The following NELL1 variants were observed in gnomAD, a reference collection of about 807,000 sequenced individuals.
NELL1 encodes the protein protein kinase C-binding protein NELL1.
A neutral mutation model predicts 107.4 loss-of-function variants in NELL1; 76 were observed. The observed-to-expected ratio is 0.71, with a 90% confidence interval of 0.59 to 0.86. The LOEUF is 0.86. Among genes scored for constraint, NELL1 ranks in the 40% least tolerant of loss-of-function variants. NELL1 has a pLI of 0.00. For synonymous variants in NELL1, 353 were observed against 341.2 expected (o/e 1.03, Z -0.38); for missense variants, 1,024 against 1,005.5 (o/e 1.02, Z -0.25).
rs1353380550 is a variant in NELL1 at position 21,344,753 on chromosome 11, A to C, written c.1550-26100A>C. Among the ~76,000 whole-genome samples, 6 of 152,224 alleles carry C rather than the reference A, an allele frequency of 3.9e-5. No homozygotes were observed. In the East Asian group the frequency reaches 1.2e-3, roughly 29 times the overall value. On this transcript the variant is annotated intron_variant, in intron 14 of 19. Coordinates refer to ENST00000357134, the MANE Select transcript of NELL1 (RefSeq NM_006157.5). The stretch of plus-strand genomic sequence containing the variant: ...AACGCATCGGTTTTTCTATCTTTAC[A>C]ATGGGGATTATACCTGCCTGCCTTA...
intron 12 of NELL1, among the ~76,000 whole-genome samples, chr11:21,030,890 T>TA (rs34539965): frequency 6.6e-6 from 1 of 152,086 alleles, no homozygotes; most frequent in Non-Finnish European, 1.5e-5. Flanking sequence ...TTCTTAATTT[T>TA]AAAAAAGGTT....
intron 3 of NELL1, among the ~76,000 whole-genome samples, chr11:20,805,780 G>A (rs1416599883): frequency 6.6e-6 from 1 of 152,216 alleles, no homozygotes; most frequent in Non-Finnish European, 1.5e-5. Context: ...GGGATTACAG[G>A]CGTGAGCCAC....
At chr11:21,028,150 A>G (rs1416834169) in intron 12 of NELL1, among the ~76,000 whole-genome samples, 4 of 152,168 alleles carry the variant, frequency 2.6e-5, no homozygotes, top group African/African-American at 9.7e-5. Flanking sequence ...ATATTTCTGA[A>G]GGGATGTAAG....
In NELL1 at chr11:21,227,541, A is replaced by G. The variant is rs186548721; in HGVS notation, c.1427-1791A>G. 9.5e-4 allele frequency among the ~76,000 whole-genome samples: 145 copies of G among 152,342 alleles called. 1 individual carries two copies. In the Middle Eastern group the frequency reaches 0.014, roughly 14 times the overall value. ...GAAGGAGGCTGAAAACTCTTGGAGT[A>G]TAAGTCTGAATCCTTAGACTTTTTT... On this transcript the variant is annotated intron_variant, in intron 13 of 19. Coordinates refer to ENST00000357134, the MANE Select transcript of NELL1 (RefSeq NM_006157.5).
chr11:20,894,967 C>T (rs552904367), intron 5 of NELL1, among the ~76,000 whole-genome samples: 4 of 151,764 alleles, frequency 2.6e-5, no homozygotes, highest in Non-Finnish European at 5.9e-5. Context: ...ACTCTGCTAT[C>T]AAACATTGAA....
At chr11:21,528,503 A>C (rs1327256202) in intron 15 of NELL1, among the ~76,000 whole-genome samples, 5 of 88,146 alleles carry the variant, frequency 5.7e-5, no homozygotes, top group African/African-American at 7.7e-5. Context: ...ATCTCTTTGC[A>C]CATACCCACC....
intron 3 of NELL1, among the ~76,000 whole-genome samples, chr11:20,813,266 G>C (rs898297315): frequency 1.3e-5 from 2 of 152,186 alleles, no homozygotes; most frequent in Admixed American, 1.3e-4. Context: ...TGACGTTAGA[G>C]ATAATTCTTA....
intron 12 of NELL1, among the ~76,000 whole-genome samples, chr11:21,047,361 T>C (rs539407173): frequency 2.6e-5 from 4 of 152,280 alleles, no homozygotes; most frequent in African/African-American, 9.6e-5. Flanking sequence ...AATACTTTTT[T>C]ATAATACAAT....
chr11:20,792,897 A>T (rs145982305), intron 3 of NELL1, among the ~76,000 whole-genome samples: 1 of 152,038 alleles, frequency 6.6e-6, no homozygotes, highest in Non-Finnish European at 1.5e-5. Flanking sequence ...GATGCCATAG[A>T]TTTTTCTGTG....
At chr11:21,269,376 T>TCA (rs375742543) in intron 14 of NELL1, among the ~76,000 whole-genome samples, 418 of 145,492 alleles carry the variant, frequency 2.9e-3, no homozygotes, top group East Asian at 4.8e-3. Context: ...TCTCTCTCTC[T>TCA]CACACACACA....
chr11:20,844,265 C>T (rs1390881226), intron 3 of NELL1, among the ~76,000 whole-genome samples: 1 of 152,024 alleles, frequency 6.6e-6, no homozygotes, highest in Non-Finnish European at 1.5e-5. Context: ...AGGAGGGGCT[C>T]ATAGTTTAGA....
chr11:21,549,857 A>C (rs1345412617), intron 16 of NELL1, among the ~76,000 whole-genome samples: 1 of 151,898 alleles, frequency 6.6e-6, no homozygotes, highest in African/African-American at 2.4e-5. Flanking sequence ...GGCCCAATGT[A>C]AACAGAAATG....
In NELL1 at chr11:20,825,065, C is replaced by G. The variant is rs1383700431; in HGVS notation, c.336-22518C>G. 4.0e-5 allele frequency among the ~76,000 whole-genome samples: 6 copies of G among 151,304 alleles called. No homozygotes were observed. The Admixed American group carries it at 4.0e-4, about 10-fold the overall frequency. On this transcript the variant is annotated intron_variant, in intron 3 of 19. Coordinates refer to ENST00000357134, the MANE Select transcript of NELL1 (RefSeq NM_006157.5). Reference sequence around the variant, plus strand: ...GCCATTGCTTCAGAGGGTGCAAGCCCCAAGTCTTGGCAGACTTTATGTGGT... The same window carrying G: ...GCCATTGCTTCAGAGGGTGCAAGCCGCAAGTCTTGGCAGACTTTATGTGGT...
intron 2 of NELL1, among the ~76,000 whole-genome samples, chr11:20,741,198 T>G (rs1855882114): frequency 6.6e-6 from 1 of 151,370 alleles, no homozygotes; most frequent in Non-Finnish European, 1.5e-5. Context: ...TAGCTTTCTG[T>G]GCACATGTGA....
intron 13 of NELL1, among the ~76,000 whole-genome samples, chr11:21,201,447 T>C (rs1168885373): frequency 6.6e-6 from 1 of 152,092 alleles, no homozygotes; most frequent in East Asian, 1.9e-4. Flanking sequence ...TGGCGTATAG[T>C]AATGCTTGTG....
At chr11:20,744,743 A>T (rs1465429081) in intron 2 of NELL1, among the ~76,000 whole-genome samples, 1 of 152,190 alleles carries the variant, frequency 6.6e-6, no homozygotes, top group Non-Finnish European at 1.5e-5. Context: ...TGGCCAAAGT[A>T]AATTCATACG....
At chr11:21,059,739 G>A (rs1028293774) in intron 12 of NELL1, among the ~76,000 whole-genome samples, 1 of 152,020 alleles carries the variant, frequency 6.6e-6, no homozygotes, top group African/African-American at 2.4e-5. Context: ...GAGTAAACAG[G>A]TTTGCCTTTC....
chr11:20,741,600 C>A (rs1228656831), intron 2 of NELL1, among the ~76,000 whole-genome samples: 1 of 152,018 alleles, frequency 6.6e-6, no homozygotes, highest in Admixed American at 6.6e-5. Context: ...TGTGAATAAT[C>A]CTAAGAACTT....
intron 13 of NELL1, among the ~76,000 whole-genome samples, chr11:21,148,712 G>T (rs1856042750): frequency 6.6e-6 from 1 of 152,146 alleles, no homozygotes; most frequent in Admixed American, 6.5e-5. Flanking sequence ...AAATTGGATT[G>T]GGGACCAGGG....
Sources: gnomAD v4.1 joint callset for allele counts (sites outside exome capture counted in the v4.1 genomes callset) on GRCh38, gnomAD v4.1.1 for gene constraint, MANE v1.5 for transcripts, NCBI Gene and HGNC (gene_info 2026-07-23, HGNC 2026-07-21) for gene names.